Variants in MED13L observed in about 807,000 individuals in gnomAD.
The protein encoded by MED13L is mediator complex subunit 13L.
A neutral mutation model predicts 220.9 loss-of-function variants in MED13L; 7 were observed. The ratio of observed to expected loss-of-function variants is 0.03; its 90% CI spans 0.02 to 0.06. MED13L has a LOEUF of 0.06. Ranked by LOEUF, MED13L falls within the 10% of genes least tolerant of loss-of-function variation. The pLI, the probability that MED13L is intolerant of heterozygous loss-of-function variation, is 1.00. For missense variants in MED13L, 1,965 were observed against 2,760.5 expected (o/e 0.71, Z 6.46); for synonymous variants, 1,011 against 1,015.2 (o/e 1.00, Z 0.08).
Position 115,961,377 on chromosome 12 carries a change from G to A in MED13L, c.6522C>T (p.Asn2174=), listed in dbSNP as rs370692319. 2.9e-5 allele frequency: 47 copies of A among 1,613,828 alleles called. No individual in the cohort carries two copies. The highest frequency in any genetic ancestry group is 1.7e-4 in the Middle Eastern group (1 of 5,830). The part of the protein sequence containing the change: ...DVLRFVLEQY[N]ALSWLTCNPA... ...GATTGCACGTGAGCCAGGACAGAGC[G>A]TTGTACTGCTCCAAAACAAACCTGC... is the stretch of plus-strand genomic sequence containing the variant. The change falls in exon 31 of 31, where the codon AAC becomes AAT. Residue 2174 remains asparagine, a synonymous_variant. Transcript: ENST00000281928.
intron 1 of MED13L, among the ~76,000 whole-genome samples, chr12:116,240,007 T>C (rs899997727): frequency 2.6e-5 from 4 of 152,218 alleles, no homozygotes; most frequent in Admixed American, 1.3e-4. Context: ...GTCTGGGACA[T>C]AGCAAAAACT....
chr12:115,987,955 T>C (rs964032008), intron 17 of MED13L, among the ~76,000 whole-genome samples: 3 of 152,176 alleles, frequency 2.0e-5, no homozygotes, highest in Non-Finnish European at 4.4e-5. Flanking sequence ...CTGAACTCCA[T>C]GCAAAACTGT....
In MED13L at chr12:115,995,544, C is replaced by A. The variant is rs577413929; in HGVS notation, c.2996+932G>T. Among the ~76,000 whole-genome samples the A allele has an allele frequency of 2.5e-4, 38 of 152,272 alleles. 1 individual carries two copies. The highest frequency in any genetic ancestry group is 9.1e-4 in the African/African-American group (38 of 41,552). Reference sequence around the variant, plus strand: ...GTTCAAGTGATTCTCCTGCCTCAGCCTCCCAAGCAGCTGGGTCACAGACAC... The same window carrying A: ...GTTCAAGTGATTCTCCTGCCTCAGCATCCCAAGCAGCTGGGTCACAGACAC... On this transcript the variant is annotated intron_variant, in intron 16 of 30. Transcript: ENST00000281928.
intron 11 of MED13L, 72 bp from the exon 12 acceptor site, chr12:116,006,483 A>G: frequency 8.5e-7 from 1 of 1,182,656 alleles, no homozygotes; most frequent in South Asian, 1.2e-5. Context: ...GGAGAACACA[A>G]AGAATTAGAG....
intron 2 of MED13L, among the ~76,000 whole-genome samples, chr12:116,134,796 C>T (rs1876389023): frequency 1.3e-5 from 2 of 152,126 alleles, no homozygotes; most frequent in African/African-American, 2.4e-5. Flanking sequence ...TGACACTCCT[C>T]CCACTGAGAG....
At chr12:116,153,640 C>T (rs1878218862) in intron 2 of MED13L, among the ~76,000 whole-genome samples, 1 of 152,194 alleles carries the variant, frequency 6.6e-6, no homozygotes, top group Non-Finnish European at 1.5e-5. Context: ...CAACTCCTCA[C>T]AGGAAGTAAA....
At chr12:116,077,176 ACTT>A (rs1387858452) in intron 4 of MED13L, among the ~76,000 whole-genome samples, 1 of 152,094 alleles carries the variant, frequency 6.6e-6, no homozygotes, top group East Asian at 1.9e-4. Flanking sequence ...TTTCACCTTT[ACTT>A]CTTATCAGCT....
In MED13L at chr12:115,977,838, A is replaced by G. The variant is rs531935976; in HGVS notation, c.5365-2100T>C. ...ATAGCAAAACCCCTATCAAAAAATT[A>G]CAAAAATTTAGCGAGGCACGGTGGC... On this transcript the variant is annotated intron_variant, in intron 23 of 30. Transcript: ENST00000281928. Among the ~76,000 whole-genome samples the G allele has an allele frequency of 2.5e-4, 38 of 152,228 alleles. 1 individual carries two copies. Among genetic ancestry groups the G allele is most frequent in the African/African-American group, 9.1e-4 (38 of 41,532 alleles).
chr12:116,216,711 T>C (rs1883019907), intron 2 of MED13L, among the ~76,000 whole-genome samples: 1 of 152,168 alleles, frequency 6.6e-6, no homozygotes, highest in Non-Finnish European at 1.5e-5. Flanking sequence ...GGAAATTAAA[T>C]CCACTTTCTC....
chr12:116,059,869 G>A (rs1026163831), intron 4 of MED13L, among the ~76,000 whole-genome samples: 13 of 151,982 alleles, frequency 8.6e-5, no homozygotes, highest in African/African-American at 1.2e-4. Flanking sequence ...AAGGAGGCAC[G>A]GAGAAAAAGG....
chr12:116,183,343 C>G (rs971374385), intron 2 of MED13L, among the ~76,000 whole-genome samples: 3 of 152,192 alleles, frequency 2.0e-5, no homozygotes, highest in Non-Finnish European at 4.4e-5. Flanking sequence ...TTCTTCAGTT[C>G]AGTGATGCTC....
chr12:116,272,696 T>C (rs746764956), intron 1 of MED13L, among the ~76,000 whole-genome samples: 1 of 152,132 alleles, frequency 6.6e-6, no homozygotes, highest in East Asian at 1.9e-4. Flanking sequence ...TCCCAGTGAG[T>C]ACTTCAAGCA....
chr12:116,264,700 T>C (rs1376686877), intron 1 of MED13L, among the ~76,000 whole-genome samples: 2 of 152,218 alleles, frequency 1.3e-5, no homozygotes, highest in African/African-American at 4.8e-5. Context: ...TCAACTTTCC[T>C]TGTATCTTCC....
chr12:115,988,549 C>G (rs1877852863), intron 17 of MED13L, among the ~76,000 whole-genome samples: 1 of 152,182 alleles, frequency 6.6e-6, no homozygotes, highest in South Asian at 2.1e-4. Flanking sequence ...ATGGCTCTAT[C>G]AAAAGCAGGA....
intron 4 of MED13L, among the ~76,000 whole-genome samples, chr12:116,051,526 T>C (rs1217796946): frequency 1.3e-5 from 2 of 152,234 alleles, no homozygotes; most frequent in African/African-American, 4.8e-5. Context: ...AAGTACAGGC[T>C]GAATATCCTT....
chr12:116,086,430 G>A (rs929926431), intron 4 of MED13L, among the ~76,000 whole-genome samples: 6 of 151,730 alleles, frequency 4.0e-5, no homozygotes, highest in Non-Finnish European at 7.4e-5. Flanking sequence ...TTACAGACTT[G>A]CACCACCACG....
chr12:116,249,825 A>C (rs1871365873), intron 1 of MED13L, among the ~76,000 whole-genome samples: 2 of 150,948 alleles, frequency 1.3e-5, no homozygotes, highest in African/African-American at 4.8e-5. Context: ...TGTAAAACAA[A>C]ACATAATAAA....
intron 2 of MED13L, among the ~76,000 whole-genome samples, chr12:116,193,732 A>C (rs1337855109): frequency 6.6e-6 from 1 of 152,220 alleles, no homozygotes; most frequent in Admixed American, 6.5e-5. Flanking sequence ...AAGCACAAAG[A>C]AATGAAAACC....
intron 4 of MED13L, among the ~76,000 whole-genome samples, chr12:116,026,165 C>G (rs1209496188): frequency 6.6e-6 from 1 of 152,120 alleles, no homozygotes; most frequent in Non-Finnish European, 1.5e-5. Flanking sequence ...GGGGCCATCC[C>G]TTGAGACATC....
Sources: allele counts gnomAD v4.1 joint callset (sites outside exome capture counted in the v4.1 genomes callset), GRCh38; gene constraint gnomAD v4.1.1; transcripts MANE v1.5; gene names NCBI Gene and HGNC (gene_info 2026-07-23, HGNC 2026-07-21).